The following PCDHGA7 variants were observed in gnomAD, a reference collection of about 807,000 sequenced individuals.
PCDHGA7 encodes protocadherin gamma subfamily A, 7, also known as protocadherin gamma-A7.
A neutral mutation model predicts 58.3 loss-of-function variants in PCDHGA7; 44 were observed. That is an observed-to-expected ratio of 0.75 (90% CI 0.59 to 0.97). The LOEUF (loss-of-function observed/expected upper bound fraction) is 0.97, where lower values mean the gene tolerates loss of function less well. PCDHGA7 is among the 50% of genes least tolerant of loss of function. The probability of loss-of-function intolerance (pLI) is 0.00; values close to 1 mark genes in which losing one functional copy is unlikely to be tolerated. For missense variants in PCDHGA7, 1,266 were observed against 1,188.7 expected, an observed-to-expected ratio of 1.06 and a Z score of -0.96; for synonymous variants, 516 against 504.2, an observed-to-expected ratio of 1.02 and a Z score of -0.31.
intron 1 of PCDHGA7, chr5:141,419,337 C>A (rs1283848400): frequency 6.2e-7 from 1 of 1,613,906 alleles, no homozygotes; most frequent in South Asian, 1.1e-5. Flanking sequence ...TCTCTCATTG[C>A]CAGCGACCTG....
intron 2 of PCDHGA7, among the ~76,000 whole-genome samples, chr5:141,497,614 A>C (rs1377740795): frequency 6.8e-6 from 1 of 146,530 alleles, no homozygotes; most frequent in African/African-American, 2.6e-5. Context: ...ATCTTGGCTC[A>C]CTGCAACCTC....
Position 141,383,734 on chromosome 5 carries a change from T to C in PCDHGA7, c.835T>C (p.Tyr279His), listed in dbSNP as rs1249029357. Residue 279 changes from tyrosine to histidine, a missense_variant, in exon 1 of 4, where the codon TAT becomes CAT. Transcript: ENST00000518325. ...CGAGGGAGTCAATGGGGAAGTGACA[T>C]ATTCTTTTCGGAAAATAACTCCTAA... Reference protein sequence around the residue: ...LDEGVNGEVTYSFRKITPKLP... With the variant: ...LDEGVNGEVTHSFRKITPKLP... The C allele has an allele frequency of 1.2e-6, 2 of 1,613,994 alleles. No homozygotes were observed. The highest frequency in any genetic ancestry group is 4.5e-5 in the East Asian group (2 of 44,888).
At position 141,387,642 on chromosome 5, in the gene PCDHGA7, C is replaced by A. The variant is rs554256672; in HGVS notation, c.2424+2319C>A. The A allele has an allele frequency of 6.9e-5, 43 of 622,250 alleles. No homozygotes were observed. In the African/African-American group the frequency reaches 7.8e-4, roughly 11 times the overall value. 38.5% of individuals were successfully genotyped at this position (622,250 alleles called of 1,614,324 possible). On this transcript the variant is annotated intron_variant, in intron 1 of 3. Transcript: ENST00000518325. ...TGCTGACTCTGGGCGCCGCTGTTGG[C>A]CAAAGTGGAGAGCTTGGCGCTCCAG...
rs1338955892 is a variant in PCDHGA7, at chr5:141,502,521, T to C, written c.2484-2872T>C. 5.9e-5 allele frequency among the ~76,000 whole-genome samples: 9 copies of C among 152,338 alleles called. No homozygotes were observed. In the East Asian group the frequency reaches 1.7e-3, roughly 29 times the overall value. The stretch of plus-strand genomic sequence containing the variant: ...CGTCGGCCTGTCCCACTATCAGTGA[T>C]GCCGAGTTTGTTCGTGTGGTAAAAA... On this transcript the variant is annotated intron_variant, in intron 2 of 3. Transcript: ENST00000518325.
At chr5:141,448,602 A>G (rs1350132402) in intron 1 of PCDHGA7, among the ~76,000 whole-genome samples, 1 of 152,154 alleles carries the variant, frequency 6.6e-6, no homozygotes, top group Non-Finnish European at 1.5e-5. Flanking sequence ...AAAATACTAT[A>G]CACCACTTTA....
chr5:141,500,444 C>T (rs1032064705), intron 2 of PCDHGA7, among the ~76,000 whole-genome samples: 3 of 151,370 alleles, frequency 2.0e-5, no homozygotes, highest in African/African-American at 4.9e-5. Context: ...CTCCTGACCT[C>T]GTGATCCGCC....
chr5:141,462,774 A>G (rs890366708), intron 1 of PCDHGA7, among the ~76,000 whole-genome samples: 1 of 152,126 alleles, frequency 6.6e-6, no homozygotes, highest in Admixed American at 6.6e-5. Context: ...GCTTGGGGTC[A>G]TAATTTGTTG....
chr5:141,491,450 C>G lies in PCDHGA7; in HGVS notation c.2425-3357C>G. ...CAGTGCTGCAGGCGCCAGGACTCAC[C>G]CTCCCCGGACTTCTATAAGCAGTCC... On this transcript the variant is annotated intron_variant, in intron 1 of 3. Transcript: ENST00000518325. The surrounding 1 kb of genome is among the most constrained non-coding windows in gnomAD (Gnocchi z 6.9). The G allele has an allele frequency of 1.2e-6, 2 of 1,614,110 alleles. No homozygotes were observed. Among genetic ancestry groups the G allele is most frequent in the Non-Finnish European group, 1.7e-6 (2 of 1,180,044 alleles).
At chr5:141,386,427 C>T (rs2090573409) in intron 1 of PCDHGA7, among the ~76,000 whole-genome samples, 1 of 152,052 alleles carries the variant, frequency 6.6e-6, no homozygotes. Context: ...CTGTAGCCCA[C>T]CTGCATGGGA....
Position 141,486,534 on chromosome 5 carries a change from C to G in PCDHGA7, c.2425-8273C>G. The stretch of plus-strand genomic sequence containing the variant: ...TCAGATGTGAATGATAATCCACCCT[C>G]TTTCTTTCAGAGGTCACATGAGGTG... On this transcript the variant is annotated intron_variant, in intron 1 of 3. Transcript: ENST00000518325. The surrounding 1 kb of genome is among the most constrained non-coding windows in gnomAD (Gnocchi z 5.0). 1 of 1,614,176 alleles carries G rather than the reference C, an allele frequency of 6.2e-7. No individual in the cohort carries two copies. Among genetic ancestry groups the G allele is most frequent in the Non-Finnish European group, 8.5e-7 (1 of 1,180,030 alleles).
At chr5:141,408,455 C>A in intron 1 of PCDHGA7, 1 of 1,614,050 alleles carries the variant, frequency 6.2e-7, no homozygotes, top group South Asian at 1.1e-5. Flanking sequence ...CGGGGACTTA[C>A]TTGTGAAGAA....
In PCDHGA7 at chr5:141,431,317, C is replaced by G; in HGVS notation, c.2424+45994C>G. 2 of 1,614,082 alleles carry G rather than the reference C, an allele frequency of 1.2e-6. No homozygotes were observed. The highest frequency in any genetic ancestry group is 1.7e-6 in the Non-Finnish European group (2 of 1,180,038). On this transcript the variant is annotated intron_variant, in intron 1 of 3. Transcript: ENST00000518325. The surrounding 1 kb of genome is among the most constrained non-coding windows in gnomAD (Gnocchi z 4.8). ...TCTCCCTCATCGTGCAAAATGGAGC[C>G]GACGGTAGTAAGTACCCCGAATTGG...
At position 141,408,867 on chromosome 5, in the gene PCDHGA7, G is replaced by T. The variant is rs376342658; in HGVS notation, c.2424+23544G>T. 5.5e-5 allele frequency: 88 copies of T among 1,613,574 alleles called. No homozygotes were observed. The highest frequency in any genetic ancestry group is 6.8e-5 in the Non-Finnish European group (80 of 1,179,830). ...GCCTTGGACGGAGGGGACCCACCAA[G>T]AAGTGCCACCGCTCACATAGAAATT... On this transcript the variant is annotated intron_variant, in intron 1 of 3. Transcript: ENST00000518325.
chr5:141,478,418 C>T, intron 1 of PCDHGA7: 1 of 1,613,650 alleles, frequency 6.2e-7, no homozygotes, highest in Non-Finnish European at 8.5e-7. Context: ...GGACTCCCGC[C>T]GCAGCGACCC....
At chr5:141,492,068 G>A in intron 1 of PCDHGA7, 1 of 479,628 alleles carries the variant, frequency 2.1e-6, no homozygotes, top group Non-Finnish European at 3.7e-6. Flanking sequence ...AGCCTCCTAG[G>A]CGCCGGCTCC....
In PCDHGA7 at chr5:141,394,617, G is replaced by A. The variant is rs369651266; in HGVS notation, c.2424+9294G>A. The A allele has an allele frequency of 1.7e-5, 28 of 1,613,372 alleles. No individual in the cohort carries two copies. The Admixed American group carries it at 2.8e-4, about 16-fold the overall frequency. On this transcript the variant is annotated intron_variant, in intron 1 of 3. Coordinates refer to ENST00000518325, the MANE Select transcript of PCDHGA7 (RefSeq NM_018920.4). ...GGTGGACAGAGACTCGGGCCAGAAC[G>A]CCTGGCTGTCCTACCGCCTGCTCAA... is the stretch of plus-strand genomic sequence containing the variant.
intron 1 of PCDHGA7, chr5:141,423,652 A>G (rs746768292): frequency 1.9e-6 from 3 of 1,583,268 alleles, no homozygotes; most frequent in Non-Finnish European, 2.6e-6. Flanking sequence ...TGACCCGACA[A>G]GTAATCAGGT....
intron 1 of PCDHGA7, among the ~76,000 whole-genome samples, chr5:141,401,116 G>A (rs763920346): frequency 1.3e-5 from 2 of 152,036 alleles, no homozygotes; most frequent in African/African-American, 2.4e-5. Flanking sequence ...GGCCGAGGCG[G>A]TTGGATCACA....
intron 1 of PCDHGA7, among the ~76,000 whole-genome samples, chr5:141,454,829 A>T (rs2098803417): frequency 1.4e-5 from 1 of 70,192 alleles, no homozygotes. Context: ...TTTTTTTGAG[A>T]CAGAGTCGCG....
Sources: allele counts gnomAD v4.1 joint callset (sites outside exome capture counted in the v4.1 genomes callset), GRCh38; gene constraint gnomAD v4.1.1; non-coding constraint Gnocchi (gnomAD v3.1); transcripts MANE v1.5; gene names NCBI Gene and HGNC (gene_info 2026-07-23, HGNC 2026-07-21).